The following TAFA1 variants were observed in gnomAD, a reference collection of about 807,000 sequenced individuals.
The protein encoded by TAFA1 is chemokine-like protein TAFA-1.
Under a neutral mutation model 18.5 loss-of-function variants are expected in TAFA1, and 4 were observed. The ratio of observed to expected loss-of-function variants is 0.22; its 90% CI spans 0.11 to 0.49. TAFA1 has a LOEUF of 0.49. Ranked by LOEUF, TAFA1 falls within the 20% of genes least tolerant of loss-of-function variation. The pLI is 0.98. For synonymous variants in TAFA1, 56 were observed against 55.2 expected (o/e 1.01, Z -0.06); for missense variants, 147 against 169.0 (o/e 0.87, Z 0.72).
chr3:68,544,373 A>T (rs1393224701), intron 4 of TAFA1, 113 bp from the exon 5 acceptor site: 2 of 1,102,412 alleles, frequency 1.8e-6, no homozygotes, highest in Non-Finnish European at 2.7e-6. Flanking sequence ...ATCACCTGAA[A>T]AAAAGCAACA....
intron 2 of TAFA1, among the ~76,000 whole-genome samples, chr3:68,076,204 G>C (rs1302995560): frequency 3.3e-5 from 5 of 151,952 alleles, no homozygotes. Flanking sequence ...GAAGATGAGA[G>C]TCTGATAAAA....
intron 2 of TAFA1, among the ~76,000 whole-genome samples, chr3:68,020,919 C>T (rs938605979): frequency 1.3e-5 from 2 of 151,930 alleles, no homozygotes; most frequent in Non-Finnish European, 2.9e-5. Context: ...GGAGCAGTGG[C>T]TCACACCTGT....
upstream of TAFA1, among the ~76,000 whole-genome samples, chr3:67,999,270 C>T (rs1262639582): frequency 1.8e-3 from 13 of 7,034 alleles, no homozygotes; most frequent in Admixed American, 0.012. Context: ...CTCTCTATCC[C>T]CCCCCCCCCC....
chr3:68,280,987 A>C (rs1211871674), intron 2 of TAFA1, among the ~76,000 whole-genome samples: 1 of 152,170 alleles, frequency 6.6e-6, no homozygotes, highest in African/African-American at 2.4e-5. Flanking sequence ...TAAATGAGAT[A>C]ATATTTAATA....
At chr3:68,143,710 C>T (rs966640666) in intron 2 of TAFA1, among the ~76,000 whole-genome samples, 7 of 152,062 alleles carry the variant, frequency 4.6e-5, no homozygotes, top group Admixed American at 3.9e-4. Flanking sequence ...AGCCACTGAG[C>T]CAAACCAAGA....
chr3:67,993,658 C>T, the TAFA1 span, among the ~76,000 whole-genome samples: 6 of 152,142 alleles, frequency 3.9e-5, no homozygotes, highest in African/African-American at 1.4e-4. Context: ...GCTTTACTGG[C>T]TGCCATAGAT....
At chr3:68,345,979 A>T (rs2106763393) in intron 2 of TAFA1, among the ~76,000 whole-genome samples, 1 of 152,204 alleles carries the variant, frequency 6.6e-6, no homozygotes, top group African/African-American at 2.4e-5. Context: ...TCTGCTTAGA[A>T]TTTTTCCAGA....
intron 2 of TAFA1, among the ~76,000 whole-genome samples, chr3:68,298,426 A>G (rs1295876790): frequency 6.6e-6 from 1 of 152,184 alleles, no homozygotes; most frequent in Non-Finnish European, 1.5e-5. Context: ...GGACAGAAAA[A>G]GGAGGACATT....
intron 2 of TAFA1, among the ~76,000 whole-genome samples, chr3:68,071,316 A>G (rs866048841): frequency 6.6e-6 from 1 of 152,194 alleles, no homozygotes; most frequent in Non-Finnish European, 1.5e-5. Flanking sequence ...ATCTCGTGAG[A>G]CTTTTTCACT....
chr3:68,499,446 C>CTTTTTTTTTTTTTTTTTT (rs752597708), intron 3 of TAFA1, among the ~76,000 whole-genome samples: 1 of 112,176 alleles, frequency 8.9e-6, no homozygotes, highest in Non-Finnish European at 1.9e-5. Flanking sequence ...GTGTTCCTTT[C>CTTTTTTTTTTTTTTTTTT]TTTTTTTTTT....
rs572781002 is a variant in TAFA1 at position 68,248,989 on chromosome 3, G to A, written c.119-168291G>A. ...CCTCTGCCACAGAACTCTCTTCACG[G>A]TATGAAAGCCCCTAATAAAACCACA... On this transcript the variant is annotated intron_variant, in intron 2 of 4. Transcript: ENST00000478136. 3.9e-5 allele frequency among the ~76,000 whole-genome samples: 6 copies of A among 152,078 alleles called. No individual in the cohort carries two copies. In the East Asian group the frequency reaches 1.2e-3, roughly 30 times the overall value.
chr3:68,266,597 C>G (rs2067551336), intron 2 of TAFA1, among the ~76,000 whole-genome samples: 1 of 151,966 alleles, frequency 6.6e-6, no homozygotes, highest in East Asian at 1.9e-4. Context: ...ATTTGAAATT[C>G]TGCATTTCTA....
chr3:68,382,567 C>T (rs970058343), intron 2 of TAFA1, among the ~76,000 whole-genome samples: 9 of 152,012 alleles, frequency 5.9e-5, no homozygotes, highest in Admixed American at 3.9e-4. Flanking sequence ...TATTCTGTTC[C>T]ATTTGTCTAT....
intron 3 of TAFA1, among the ~76,000 whole-genome samples, chr3:68,500,856 A>G (rs2072644940): frequency 6.6e-6 from 1 of 152,052 alleles, no homozygotes; most frequent in Non-Finnish European, 1.5e-5. Context: ...GGAAATTGAG[A>G]TTCAGCTATC....
chr3:68,343,661 G>C (rs1395221310), intron 2 of TAFA1, among the ~76,000 whole-genome samples: 3 of 152,100 alleles, frequency 2.0e-5, no homozygotes, highest in African/African-American at 7.2e-5. Flanking sequence ...AGGCAGTTCA[G>C]GTTCAAACTA....
At chr3:68,367,026 C>T (rs926886139) in intron 2 of TAFA1, among the ~76,000 whole-genome samples, 25 of 152,196 alleles carry the variant, frequency 1.6e-4, no homozygotes, top group African/African-American at 5.8e-4. Context: ...GTTTTCCTTA[C>T]CCCTTAAGCA....
chr3:68,417,985 T>C (rs2070872257), intron 3 of TAFA1, among the ~76,000 whole-genome samples: 1 of 152,110 alleles, frequency 6.6e-6, no homozygotes, highest in African/African-American at 2.4e-5. Flanking sequence ...TCTGCCTCCA[T>C]GAGCCAGTCA....
intron 3 of TAFA1, among the ~76,000 whole-genome samples, chr3:68,521,486 G>T (rs908044132): frequency 6.6e-6 from 1 of 152,084 alleles, no homozygotes; most frequent in African/African-American, 2.4e-5. Context: ...CTCACGAAGC[G>T]TACAGCTTAG....
chr3:68,135,592 G>A (rs2065597766), intron 2 of TAFA1, among the ~76,000 whole-genome samples: 1 of 152,188 alleles, frequency 6.6e-6, no homozygotes, highest in South Asian at 2.1e-4. Flanking sequence ...ATCTCATAGG[G>A]TTGCTTTGAG....
Sources: gnomAD v4.1 joint callset for allele counts (sites outside exome capture counted in the v4.1 genomes callset) on GRCh38, gnomAD v4.1.1 for gene constraint, MANE v1.5 for transcripts, NCBI Gene and HGNC (gene_info 2026-07-23, HGNC 2026-07-21) for gene names.